MAP2K6: variants seen among roughly 807,000 people sequenced by gnomAD.
The protein encoded by MAP2K6 is dual specificity mitogen-activated protein kinase kinase 6.
A neutral mutation model predicts 53.7 loss-of-function variants in MAP2K6; 16 were observed. The ratio of observed to expected loss-of-function variants is 0.30; its 90% CI spans 0.20 to 0.45. The LOEUF (loss-of-function observed/expected upper bound fraction) is 0.45. Ranked by LOEUF, MAP2K6 falls within the 20% of genes least tolerant of loss-of-function variation. The pLI, the probability that MAP2K6 is intolerant of heterozygous loss-of-function variation, is 1.00. For missense variants in MAP2K6, 204 were observed against 411.9 expected (o/e 0.50, Z 4.37); for synonymous variants, 132 against 143.1 (o/e 0.92, Z 0.55).
intron 1 of MAP2K6, among the ~76,000 whole-genome samples, chr17:69,504,148 G>T (rs913798119): frequency 1.9e-5 from 2 of 107,872 alleles, no homozygotes; most frequent in African/African-American, 6.3e-5. Context: ...CTGCAAGGAG[G>T]TTATTTTAAT....
chr17:69,443,470 A>G (rs569356409), intron 1 of MAP2K6, among the ~76,000 whole-genome samples: 1 of 152,300 alleles, frequency 6.6e-6, no homozygotes, highest in Non-Finnish European at 1.5e-5. Flanking sequence ...TCTGAATCCT[A>G]TACACTTTGT....
chr17:69,429,482 T>C (rs1906386676), intron 1 of MAP2K6, among the ~76,000 whole-genome samples: 1 of 151,674 alleles, frequency 6.6e-6, no homozygotes, highest in South Asian at 2.1e-4. Context: ...AACCAAGCCA[T>C]GGCAAAGCTG....
intron 1 of MAP2K6, among the ~76,000 whole-genome samples, chr17:69,428,860 TTTTG>T (rs1906356667): frequency 1.8e-5 from 2 of 111,988 alleles, no homozygotes; most frequent in Non-Finnish European, 3.9e-5. Flanking sequence ...CTGTTTTTGT[TTTTG>T]TTTTTTTTTT....
chr17:69,460,825 C>T (rs1907601453), intron 1 of MAP2K6, among the ~76,000 whole-genome samples: 1 of 152,150 alleles, frequency 6.6e-6, no homozygotes, highest in Non-Finnish European at 1.5e-5. Context: ...ATTTTGAATT[C>T]CTGGGCTCAA....
At chr17:69,453,896 G>A (rs566709097) in intron 1 of MAP2K6, among the ~76,000 whole-genome samples, 3 of 152,248 alleles carry the variant, frequency 2.0e-5, no homozygotes, top group South Asian at 2.1e-4. Flanking sequence ...AGCTTCCCGG[G>A]GGATTCCAAT....
intron 2 of MAP2K6, among the ~76,000 whole-genome samples, chr17:69,507,096 A>G (rs998038218): frequency 3.9e-5 from 6 of 151,904 alleles, no homozygotes; most frequent in South Asian, 2.1e-4. Flanking sequence ...TACTACCTGT[A>G]TAGGAATTTA....
At chr17:69,502,537 T>C in intron 1 of MAP2K6, 1 of 985,474 alleles carries the variant, frequency 1.0e-6, no homozygotes. Flanking sequence ...CTCCTGGATC[T>C]ATTTTTTTTT....
In MAP2K6 at chr17:69,553,111, A is replaced by G. The variant is rs1038568846; in HGVS notation, c.*11358A>G. ...GAGAAATTCATCTTTTCATGCAAAT[A>G]ACATTGATGGGGGACAAGACTGGAT... On this transcript the variant is annotated 3_prime_UTR_variant, in exon 12 of 12. Transcript: ENST00000590474. The G allele has an allele frequency of 2.6e-5, 4 of 152,202 alleles. No homozygotes were observed. The highest frequency in any genetic ancestry group is 6.5e-5 in the Admixed American group (1 of 15,284). 9.4% of individuals were successfully genotyped at this position (152,202 alleles called of 1,614,324 possible).
intron 1 of MAP2K6, among the ~76,000 whole-genome samples, chr17:69,443,671 C>T (rs1232051643): frequency 2.0e-5 from 3 of 152,110 alleles, no homozygotes; most frequent in Non-Finnish European, 4.4e-5. Context: ...CTTGGGAGCT[C>T]ATCACTGGGG....
chr17:69,503,099 A>G (rs1371384711), intron 1 of MAP2K6, among the ~76,000 whole-genome samples: 3 of 152,210 alleles, frequency 2.0e-5, no homozygotes, highest in African/African-American at 7.2e-5. Flanking sequence ...TAGGCAAAAT[A>G]TATGTTACTT....
At chr17:69,499,858 A>G (rs555313858) in intron 1 of MAP2K6, among the ~76,000 whole-genome samples, 55 of 152,350 alleles carry the variant, frequency 3.6e-4, no homozygotes, top group Non-Finnish European at 5.7e-4. Flanking sequence ...ACATTTTTCA[A>G]CTAAAATATC....
At chr17:69,449,503 T>G (rs866060280) in intron 1 of MAP2K6, among the ~76,000 whole-genome samples, 3 of 136,452 alleles carry the variant, frequency 2.2e-5, no homozygotes, top group African/African-American at 7.9e-5. Context: ...TCTTTCTTTT[T>G]TCTTTCTTTC....
rs7501780 is a variant in MAP2K6 at position 69,553,539 on chromosome 17, T to C, written c.*11786T>C. 6.6e-6 allele frequency: 1 copy of C among 152,242 alleles called. No homozygotes were observed. Among genetic ancestry groups the C allele is most frequent in the Non-Finnish European group, 1.5e-5 (1 of 68,046 alleles). 9.4% of individuals were successfully genotyped at this position (152,242 alleles called of 1,614,324 possible). On this transcript the variant is annotated 3_prime_UTR_variant, in exon 12 of 12. Transcript: ENST00000590474. ...TATCTCAGGATATTCTTCAGTTTCA[T>C]ACTGCTGAGGAGAAAGGAACAAGCT...
chr17:69,418,703 T>C (rs1008536820), intron 1 of MAP2K6, among the ~76,000 whole-genome samples: 3 of 152,218 alleles, frequency 2.0e-5, no homozygotes, highest in Non-Finnish European at 2.9e-5. Context: ...TTAATGTTTA[T>C]TAACTTTCAC....
chr17:69,491,712 G>C (rs1293908901), intron 1 of MAP2K6, among the ~76,000 whole-genome samples: 1 of 137,706 alleles, frequency 7.3e-6, no homozygotes, highest in South Asian at 2.4e-4. Flanking sequence ...CTTTTTCTCT[G>C]CAACCTCGCT....
intron 1 of MAP2K6, among the ~76,000 whole-genome samples, chr17:69,463,462 A>G (rs1306241298): frequency 1.3e-5 from 2 of 149,924 alleles, no homozygotes; most frequent in African/African-American, 2.4e-5. Flanking sequence ...ACATATATGT[A>G]TGTGTGTATA....
At chr17:69,415,077 G>T (rs769883891) in intron 1 of MAP2K6, 77 bp downstream of exon 1, 112 of 1,388,854 alleles carry the variant, frequency 8.1e-5, no homozygotes, top group Middle Eastern at 3.6e-4. Context: ...TGCAATTTTC[G>T]CCTGGCGAGT....
At chr17:69,540,997 C>T (rs1911591288) in intron 11 of MAP2K6, among the ~76,000 whole-genome samples, 1 of 152,222 alleles carries the variant, frequency 6.6e-6, no homozygotes. Flanking sequence ...GGCATGGTGG[C>T]ACACGCCTGC....
chr17:69,461,037 A>G (rs1200859487), intron 1 of MAP2K6, among the ~76,000 whole-genome samples: 3 of 152,216 alleles, frequency 2.0e-5, no homozygotes, highest in Non-Finnish European at 4.4e-5. Context: ...AGCTCCTTAG[A>G]GAAGTAGGAT....
Sources: gnomAD v4.1 joint callset for allele counts (sites outside exome capture counted in the v4.1 genomes callset) on GRCh38, gnomAD v4.1.1 for gene constraint, MANE v1.5 for transcripts, NCBI Gene and HGNC (gene_info 2026-07-23, HGNC 2026-07-21) for gene names.